CFAP54: variants seen among roughly 807,000 people sequenced by gnomAD.
CFAP54 encodes cilia- and flagella-associated protein 54.
A neutral mutation model predicts 370.4 loss-of-function variants in CFAP54; 290 were observed. The observed-to-expected ratio is 0.78, with a 90% CI of 0.71 to 0.86. The LOEUF (loss-of-function observed/expected upper bound fraction) is 0.86. CFAP54 is among the 40% of genes least tolerant of loss of function. The pLI, the probability that CFAP54 is intolerant of heterozygous loss-of-function variation, is 0.00. For missense variants in CFAP54, 3,399 were observed against 3,528.7 expected (o/e 0.96, Z 0.93); for synonymous variants, 1,206 against 1,236.5 (o/e 0.98, Z 0.52).
intron 60 of CFAP54, among the ~76,000 whole-genome samples, chr12:96,770,994 G>C (rs896853781): frequency 6.6e-6 from 1 of 152,216 alleles, no homozygotes; most frequent in Non-Finnish European, 1.5e-5. Context: ...TCTGCCCTTC[G>C]CAATCCAAAC....
At chr12:96,593,355 G>A in intron 24 of CFAP54, among the ~76,000 whole-genome samples, 1 of 151,228 alleles carries the variant, frequency 6.6e-6, no homozygotes, top group East Asian at 1.9e-4. Flanking sequence ...TTTTACAGTT[G>A]CTATTTCCTA....
intron 42 of CFAP54, among the ~76,000 whole-genome samples, chr12:96,687,498 A>G (rs570992796): frequency 6.6e-6 from 1 of 152,284 alleles, no homozygotes; most frequent in East Asian, 1.9e-4. Context: ...CTCCAGTTAC[A>G]GTTACCTCTT....
chr12:96,826,526 A>G (rs1208637876), intron 65 of CFAP54, among the ~76,000 whole-genome samples: 3 of 73,148 alleles, frequency 4.1e-5, no homozygotes, highest in African/African-American at 9.8e-5. Context: ...TATATAATAT[A>G]TTATATATTA....
At chr12:96,834,573 C>G (rs970851760) in intron 66 of CFAP54, among the ~76,000 whole-genome samples, 1 of 152,198 alleles carries the variant, frequency 6.6e-6, no homozygotes, top group African/African-American at 2.4e-5. Context: ...CTGGACCAGG[C>G]GAACCAGAAG....
intron 12 of CFAP54, among the ~76,000 whole-genome samples, chr12:96,537,399 TG>T (rs1955517832): frequency 6.6e-6 from 1 of 152,140 alleles, no homozygotes; most frequent in Non-Finnish European, 1.5e-5. Context: ...TGGAGTACAG[TG>T]GTGCAATTTT....
chr12:96,709,969 T>G (rs1022537971), intron 48 of CFAP54, among the ~76,000 whole-genome samples: 5 of 152,092 alleles, frequency 3.3e-5, no homozygotes, highest in African/African-American at 1.2e-4. Flanking sequence ...TGCCTGCCTC[T>G]GCCTCCCAAA....
intron 50 of CFAP54, among the ~76,000 whole-genome samples, chr12:96,721,574 C>T (rs934976998): frequency 9.2e-5 from 14 of 152,106 alleles, no homozygotes; most frequent in South Asian, 6.2e-4. Flanking sequence ...TTCTCCATGC[C>T]ATTTGTGATA....
At chr12:96,810,553 T>C (rs1244858956) in intron 63 of CFAP54, among the ~76,000 whole-genome samples, 3 of 152,112 alleles carry the variant, frequency 2.0e-5, no homozygotes, top group East Asian at 3.9e-4. Flanking sequence ...GTAATGTGTA[T>C]AAGCACAGGA....
At chr12:96,512,616 C>CTT (rs1955185893) in intron 4 of CFAP54, among the ~76,000 whole-genome samples, 1 of 152,014 alleles carries the variant, frequency 6.6e-6, no homozygotes, top group East Asian at 1.9e-4. Flanking sequence ...GCTGGGATTA[C>CTT]AGGCGTAGCC....
At chr12:96,668,085 G>A (rs1340573590) in intron 39 of CFAP54, among the ~76,000 whole-genome samples, 4 of 152,078 alleles carry the variant, frequency 2.6e-5, no homozygotes, top group Non-Finnish European at 5.9e-5. Flanking sequence ...CAACATTTTG[G>A]TCAAAGCCAT....
intron 63 of CFAP54, among the ~76,000 whole-genome samples, chr12:96,806,719 G>T (rs938242134): frequency 2.6e-5 from 4 of 152,262 alleles, no homozygotes; most frequent in Middle Eastern, 3.4e-3. Context: ...TTCCCTTTGA[G>T]GTGCTCTGGA....
intron 2 of CFAP54, 129 bp downstream of exon 2, chr12:96,501,068 T>A: frequency 1.9e-6 from 1 of 537,840 alleles, no homozygotes; most frequent in Non-Finnish European, 3.1e-6. Context: ...AATGAGTACA[T>A]AAAAATTTTA....
intron 48 of CFAP54, among the ~76,000 whole-genome samples, chr12:96,713,714 A>G (rs893367686): frequency 6.6e-6 from 1 of 152,132 alleles, no homozygotes; most frequent in Non-Finnish European, 1.5e-5. Context: ...GATTTAAAAT[A>G]GGGTTATCAG....
At chr12:96,496,733 T>G (rs1010293790) in intron 1 of CFAP54, among the ~76,000 whole-genome samples, 1 of 152,174 alleles carries the variant, frequency 6.6e-6, no homozygotes, top group Non-Finnish European at 1.5e-5. Context: ...TTCAGTCTTA[T>G]CTAGAAATTT....
At position 96,639,697 on chromosome 12, in the gene CFAP54, G is replaced by A. The variant is rs540068298; in HGVS notation, c.4317-4481G>A. ...AATCCTCAATAAAATACTGGCAAAC[G>A]GAATCCAGCAGCACATCAAAAAGCT... On this transcript the variant is annotated intron_variant, in intron 32 of 67. Transcript: ENST00000524981. Among the ~76,000 whole-genome samples, 7 of 151,958 alleles carry A rather than the reference G, an allele frequency of 4.6e-5. No homozygotes were observed. The South Asian group carries it at 6.2e-4, about 14-fold the overall frequency.
At chr12:96,816,287 A>G (rs1204195730) in intron 64 of CFAP54, among the ~76,000 whole-genome samples, 5 of 152,064 alleles carry the variant, frequency 3.3e-5, no homozygotes, top group Non-Finnish European at 7.4e-5. Flanking sequence ...ACATCCCTTG[A>G]AAGTTGTGTT....
intron 66 of CFAP54, among the ~76,000 whole-genome samples, chr12:96,845,916 C>T (rs561810413): frequency 9.9e-5 from 15 of 152,162 alleles, no homozygotes; most frequent in East Asian, 1.9e-4. Flanking sequence ...GAAACATACA[C>T]GTGTCACCCA....
intron 66 of CFAP54, among the ~76,000 whole-genome samples, chr12:96,845,664 C>G (rs935380814): frequency 2.0e-5 from 3 of 152,260 alleles, no homozygotes; most frequent in African/African-American, 7.2e-5. Flanking sequence ...CTCTGCCTAA[C>G]TGCTTCCTTC....
chr12:96,610,567 C>T (rs555031400), intron 26 of CFAP54, among the ~76,000 whole-genome samples: 6 of 152,156 alleles, frequency 3.9e-5, no homozygotes, highest in African/African-American at 9.6e-5. Flanking sequence ...GCCCACTGAG[C>T]GTGAGCCGAA....
Sources: allele counts gnomAD v4.1 joint callset (sites outside exome capture counted in the v4.1 genomes callset), GRCh38; gene constraint gnomAD v4.1.1; transcripts MANE v1.5; gene names NCBI Gene and HGNC (gene_info 2026-07-23, HGNC 2026-07-21).